CNTNAP2: variants seen among roughly 807,000 people sequenced by gnomAD.
CNTNAP2 encodes contactin-associated protein-like 2.
CNTNAP2 carries 98 observed loss-of-function variants against 155.2 expected under a neutral mutation model. The observed-to-expected ratio is 0.63, with a 90% confidence interval of 0.54 to 0.75. CNTNAP2 has a LOEUF of 0.75. Ranked by LOEUF, CNTNAP2 falls within the 30% of genes least tolerant of loss-of-function variation. The probability of loss-of-function intolerance (pLI) is 0.00; values close to 1 mark genes in which losing one functional copy is unlikely to be tolerated. For missense variants in CNTNAP2, 1,727 were observed against 1,688.1 expected (o/e 1.02, Z -0.40); for synonymous variants, 651 against 631.2 (o/e 1.03, Z -0.47).
intron 13 of CNTNAP2, among the ~76,000 whole-genome samples, chr7:147,708,604 A>G (rs886140029): frequency 2.0e-5 from 3 of 152,016 alleles, no homozygotes; most frequent in Admixed American, 2.0e-4. Flanking sequence ...ACTAGGTCCT[A>G]GGGACTCTCC....
chr7:148,055,794 C>T (rs370658565), intron 15 of CNTNAP2, among the ~76,000 whole-genome samples: 108 of 152,010 alleles, frequency 7.1e-4, no homozygotes, highest in Middle Eastern at 3.4e-3. Flanking sequence ...GAGACTAGTC[C>T]GTGAACATCT....
intron 1 of CNTNAP2, among the ~76,000 whole-genome samples, chr7:146,221,607 G>A (rs1309133813): frequency 6.6e-6 from 1 of 152,036 alleles, no homozygotes; most frequent in Non-Finnish European, 1.5e-5. Flanking sequence ...TAAAGAGTCC[G>A]ATATTTTCTG....
At chr7:147,929,234 T>C (rs1397749676) in intron 14 of CNTNAP2, among the ~76,000 whole-genome samples, 1 of 152,038 alleles carries the variant, frequency 6.6e-6, no homozygotes, top group Non-Finnish European at 1.5e-5. Flanking sequence ...ATGAGCTGCA[T>C]TTGAAGTTCA....
chr7:147,058,938 C>A (rs552337001), intron 4 of CNTNAP2, among the ~76,000 whole-genome samples: 1 of 152,252 alleles, frequency 6.6e-6, no homozygotes, highest in East Asian at 1.9e-4. Context: ...AGGAAGTAAA[C>A]GATGCAGGCC....
chr7:147,887,966 T>C (rs1360930878), intron 13 of CNTNAP2, among the ~76,000 whole-genome samples: 1 of 152,186 alleles, frequency 6.6e-6, no homozygotes, highest in Non-Finnish European at 1.5e-5. Flanking sequence ...TTTAAAGAGG[T>C]CCCAGATTGG....
At chr7:147,832,667 AAT>A (rs1798570709) in intron 13 of CNTNAP2, among the ~76,000 whole-genome samples, 1 of 146,104 alleles carries the variant, frequency 6.8e-6, no homozygotes, top group Non-Finnish European at 1.5e-5. Flanking sequence ...AATATATTTC[AAT>A]ATATTATATT....
intron 3 of CNTNAP2, among the ~76,000 whole-genome samples, chr7:146,975,322 G>T (rs370188278): frequency 3.3e-5 from 5 of 152,046 alleles, no homozygotes; most frequent in East Asian, 1.9e-4. Flanking sequence ...AAAATAAGCT[G>T]GGCATGGTGG....
intron 14 of CNTNAP2, among the ~76,000 whole-genome samples, chr7:147,968,042 C>T (rs1010467791): frequency 1.3e-5 from 2 of 152,062 alleles, no homozygotes; most frequent in African/African-American, 4.8e-5. Flanking sequence ...GCCTAGTTAA[C>T]GTCTATGTTT....
At chr7:146,352,283 A>C (rs1213125509) in intron 1 of CNTNAP2, among the ~76,000 whole-genome samples, 3 of 152,222 alleles carry the variant, frequency 2.0e-5, no homozygotes, top group Non-Finnish European at 2.9e-5. Context: ...TACATAAAAC[A>C]ATGTTTTTAA....
intron 1 of CNTNAP2, among the ~76,000 whole-genome samples, chr7:146,449,943 C>G (rs1156247651): frequency 2.0e-5 from 3 of 152,134 alleles, no homozygotes. Flanking sequence ...TTCTGTGGAG[C>G]ACTGACATCC....
intron 3 of CNTNAP2, among the ~76,000 whole-genome samples, chr7:146,863,880 T>C (rs1199468372): frequency 1.3e-5 from 2 of 152,102 alleles, no homozygotes; most frequent in African/African-American, 4.8e-5. Flanking sequence ...TTAAGCAAAA[T>C]GTCTAAATGC....
At chr7:147,950,754 A>G (rs1352594001) in intron 14 of CNTNAP2, among the ~76,000 whole-genome samples, 1 of 152,206 alleles carries the variant, frequency 6.6e-6, no homozygotes, top group East Asian at 1.9e-4. Context: ...GAGCACTTTG[A>G]CCTTCCTTTT....
intron 9 of CNTNAP2, among the ~76,000 whole-genome samples, chr7:147,336,652 A>T (rs1795669375): frequency 6.6e-6 from 1 of 152,152 alleles, no homozygotes; most frequent in African/African-American, 2.4e-5. Context: ...TGCTAAAATT[A>T]TAGAACTAGT....
At chr7:146,899,774 A>G (rs146972273) in intron 3 of CNTNAP2, among the ~76,000 whole-genome samples, 1 of 152,304 alleles carries the variant, frequency 6.6e-6, no homozygotes, top group East Asian at 1.9e-4. Context: ...AAAGTTAGCT[A>G]AGGAGCAGAT....
At chr7:147,095,125 T>C (rs1169871986) in intron 4 of CNTNAP2, among the ~76,000 whole-genome samples, 1 of 151,966 alleles carries the variant, frequency 6.6e-6, no homozygotes, top group Admixed American at 6.6e-5. Context: ...GTTCAAGCGA[T>C]TCTCCTGCCT....
intron 1 of CNTNAP2, among the ~76,000 whole-genome samples, chr7:146,539,687 G>A (rs1043101151): frequency 6.6e-6 from 1 of 151,950 alleles, no homozygotes; most frequent in African/African-American, 2.4e-5. Flanking sequence ...GGAAGAAGAG[G>A]GGGATCATCT....
intron 3 of CNTNAP2, among the ~76,000 whole-genome samples, chr7:146,929,716 A>G (rs11977650): frequency 0.26 from 39,897 of 152,064 alleles, 5,869 homozygotes; most frequent in Non-Finnish European, 0.32. Flanking sequence ...AAGTATAACT[A>G]GAATAACCAA....
intron 1 of CNTNAP2, among the ~76,000 whole-genome samples, chr7:146,734,721 A>G (rs1259415666): frequency 6.6e-6 from 1 of 152,220 alleles, no homozygotes; most frequent in African/African-American, 2.4e-5. Context: ...TGTTACTTGT[A>G]CTTGAACAAA....
chr7:147,208,184 G>T (rs1394668617), intron 8 of CNTNAP2, among the ~76,000 whole-genome samples: 1 of 151,922 alleles, frequency 6.6e-6, no homozygotes, highest in Non-Finnish European at 1.5e-5. Context: ...CACTCTGGGG[G>T]GTCTGCATAG....
Sources: gnomAD v4.1 joint callset for allele counts (sites outside exome capture counted in the v4.1 genomes callset) on GRCh38, gnomAD v4.1.1 for gene constraint, MANE v1.5 for transcripts, NCBI Gene and HGNC (gene_info 2026-07-23, HGNC 2026-07-21) for gene names.